RADIL: variants seen among roughly 807,000 people sequenced by gnomAD.
The protein encoded by RADIL is Rap associating with DIL domain.
RADIL carries 99 observed loss-of-function variants against 97.6 expected under a neutral mutation model. The ratio of observed to expected loss-of-function variants is 1.01; its 90% confidence interval spans 0.86 to 1.20. The LOEUF (loss-of-function observed/expected upper bound fraction) is 1.20. RADIL is among the 50% of genes most tolerant of loss of function. The pLI, the probability that RADIL is intolerant of heterozygous loss-of-function variation, is 0.00. For missense variants in RADIL, 1,765 were observed against 1,498.9 expected (o/e 1.18, Z -2.93); for synonymous variants, 803 against 691.8 (o/e 1.16, Z -2.52).
chr7:4,800,855 C>T (rs1782059550), intron 12 of RADIL, among the ~76,000 whole-genome samples: 1 of 152,194 alleles, frequency 6.6e-6, no homozygotes, highest in Non-Finnish European at 1.5e-5. Flanking sequence ...TGGGACCCAG[C>T]TTGGCCAGGT....
chr7:4,834,697 G>T lies in RADIL; in HGVS notation c.1326C>A (p.Leu442=). The part of the protein sequence containing the change: ...HKLTPAFLLC[L]CIQHSATHFQ... The stretch of plus-strand genomic sequence containing the variant: ...AGTGGGTGGCCGAGTGCTGGATGCA[G>T]AGGCACAGGAGGAAGGCGGGGGTCA... The change falls in exon 4 of 15, where the codon CTC becomes CTA. Residue 442 remains leucine (L), a synonymous_variant. Transcript: ENST00000399583. This position sits in a 1 kb window ranked among gnomAD's most constrained non-coding sequence, Gnocchi z 6.0. The T allele has an allele frequency of 7.1e-7, 1 of 1,401,466 alleles. No homozygotes were observed. The allele number at this position is 1,401,466 out of a possible 1,614,324, so 86.8% of individuals were successfully genotyped here.
chr7:4,836,080 G>C (rs564643653), intron 3 of RADIL, among the ~76,000 whole-genome samples: 9 of 152,346 alleles, frequency 5.9e-5, no homozygotes, highest in Non-Finnish European at 5.9e-5. Context: ...GGCGTGAGGA[G>C]TTCTCCCTGA....
At position 4,877,999 on chromosome 7, in the gene RADIL, G is replaced by C; in HGVS notation, c.141C>G (p.Gly47=). Residue 47 remains glycine (G), a synonymous_variant, in exon 2 of 15, where the codon GGC becomes GGG. Coordinates refer to ENST00000399583, the MANE Select transcript of RADIL (RefSeq NM_018059.5). ...AGAGCTCGGCGGGGTCATCGCTGGC[G>C]CCCAGGCTGGAGAAGGTGGAGTCCA... is the stretch of plus-strand genomic sequence containing the variant. The part of the protein sequence containing the change: ...RDLDSTFSSL[G]ASDDPAELST... The C allele has an allele frequency of 6.2e-7, 1 of 1,610,070 alleles. No homozygotes were observed. Among genetic ancestry groups the C allele is most frequent in the South Asian group, 1.1e-5 (1 of 90,804 alleles).
chr7:4,834,942 C>G lies in RADIL; in HGVS notation c.1081G>C (p.Ala361Pro). ...AAGGCCCGGGCGGGCAGGGGCTGGGCCTGCGCGGGGTCCTTGAATAGCAGC... is the reference window on the plus strand; with the variant it reads ...AAGGCCCGGGCGGGCAGGGGCTGGGGCTGCGCGGGGTCCTTGAATAGCAGC... The part of the protein sequence containing the change: ...YLLLFKDPAQ[A>P]QPLPARALAR... Residue 361 changes from alanine to proline, a missense_variant, in exon 4 of 15, where the codon GCC becomes CCC. Coordinates refer to ENST00000399583, the MANE Select transcript of RADIL (RefSeq NM_018059.5). This position sits in a 1 kb window ranked among gnomAD's most constrained non-coding sequence, Gnocchi z 6.0. The G allele has an allele frequency of 6.3e-7, 1 of 1,598,528 alleles. No individual in the cohort carries two copies. Among genetic ancestry groups the G allele is most frequent in the Admixed American group, 1.7e-5 (1 of 58,902 alleles).
Position 4,821,877 on chromosome 7 carries a change from G to A in RADIL, c.1615+517C>T, listed in dbSNP as rs944685558. On this transcript the variant is annotated intron_variant, in intron 6 of 14. Transcript: ENST00000399583. The surrounding 1 kb of genome is among the most constrained non-coding windows in gnomAD (Gnocchi z 5.2). ...TCTCAAAAAAAGAAAAAGAAATCCC[G>A]AAATGTGTATTTCCCACATCTTAAT... 5.9e-5 allele frequency among the ~76,000 whole-genome samples: 9 copies of A among 152,030 alleles called. No homozygotes were observed. The highest frequency in any genetic ancestry group is 1.3e-4 in the Non-Finnish European group (9 of 68,004).
At chr7:4,836,969 G>A (rs118190150) in intron 2 of RADIL, among the ~76,000 whole-genome samples, 2,259 of 152,152 alleles carry the variant, frequency 0.015, 33 homozygotes, top group Middle Eastern at 0.027. Context: ...GTCTAATAGC[G>A]CCCATGTCCC....
chr7:4,838,147 C>G, intron 2 of RADIL: 1 of 808,468 alleles, frequency 1.2e-6, no homozygotes, highest in Non-Finnish European at 1.5e-6. Flanking sequence ...GTGCTCCTGC[C>G]GCCTGCAGAA....
In RADIL at chr7:4,872,278, A is replaced by G. The variant is rs1356948663; in HGVS notation, c.535+5327T>C. 6.6e-6 allele frequency among the ~76,000 whole-genome samples: 1 copy of G among 152,210 alleles called. No individual in the cohort carries two copies. The highest frequency in any genetic ancestry group is 1.5e-5 in the Non-Finnish European group (1 of 68,038). On this transcript the variant is annotated intron_variant, in intron 2 of 14. Coordinates refer to ENST00000399583, the MANE Select transcript of RADIL (RefSeq NM_018059.5). This position sits in a 1 kb window ranked among gnomAD's most constrained non-coding sequence, Gnocchi z 5.8. ...GTTGTTACAACTTGGGGGTGGGGGC[A>G]CAGGAGCCAGGGACACTGCTCATCG...
At chr7:4,828,679 G>A (rs747551727) in intron 5 of RADIL, among the ~76,000 whole-genome samples, 37 of 152,306 alleles carry the variant, frequency 2.4e-4, no homozygotes, top group South Asian at 8.3e-4. Context: ...GTGGGATCAC[G>A]GGGGAGTGAC....
chr7:4,816,104 C>T (rs1434949920), intron 8 of RADIL, 124 bp downstream of exon 8: 14 of 850,834 alleles, frequency 1.6e-5, no homozygotes, highest in East Asian at 1.5e-4. Flanking sequence ...GGACACCAGA[C>T]GCTCAGGGAG....
In RADIL at chr7:4,814,684, C is replaced by A. The variant is rs918004452; in HGVS notation, c.2139+594G>T. Reference sequence around the variant, plus strand: ...CACACAGTGCACTCTCACAGCTCCGCGGCTCCACAGCTCAGCCGGGTCTCA... The same window carrying A: ...CACACAGTGCACTCTCACAGCTCCGAGGCTCCACAGCTCAGCCGGGTCTCA... On this transcript the variant is annotated intron_variant, in intron 9 of 14. Coordinates refer to ENST00000399583, the MANE Select transcript of RADIL (RefSeq NM_018059.5). This position sits in a 1 kb window ranked among gnomAD's most constrained non-coding sequence, Gnocchi z 4.5. Among the ~76,000 whole-genome samples the A allele has an allele frequency of 6.6e-6, 1 of 152,166 alleles. No homozygotes were observed. The highest frequency in any genetic ancestry group is 2.4e-5 in the African/African-American group (1 of 41,444).
At chr7:4,804,098 C>T (rs1375402671) in intron 10 of RADIL, 5 of 355,694 alleles carry the variant, frequency 1.4e-5, no homozygotes, top group Admixed American at 7.4e-5. Flanking sequence ...GGAGCTCCCC[C>T]AGCCCGGCAG....
intron 9 of RADIL, among the ~76,000 whole-genome samples, chr7:4,810,910 C>T (rs988779517): frequency 1.3e-5 from 2 of 152,130 alleles, no homozygotes; most frequent in African/African-American, 2.4e-5. Context: ...CTGAGGTGGG[C>T]GGATCACCTG....
intron 1 of RADIL, among the ~76,000 whole-genome samples, chr7:4,882,562 G>A (rs547324613): frequency 6.6e-6 from 1 of 152,276 alleles, no homozygotes; most frequent in East Asian, 1.9e-4. Context: ...GACATGGGTG[G>A]AGCGACCTCT....
intron 5 of RADIL, among the ~76,000 whole-genome samples, chr7:4,823,570 G>GT (rs1471531372): frequency 1.3e-5 from 2 of 152,142 alleles, no homozygotes; most frequent in African/African-American, 4.8e-5. Context: ...GGGTTGGGGG[G>GT]GCGCCCTTCC....
chr7:4,877,626 C>T lies in RADIL; in HGVS notation c.514G>A (p.Glu172Lys), dbSNP rs2115053626. The T allele has an allele frequency of 2.5e-6, 4 of 1,605,736 alleles. No individual in the cohort carries two copies. Among genetic ancestry groups the T allele is most frequent in the East Asian group, 4.5e-5 (2 of 44,872 alleles). The change falls in exon 2 of 15, where the codon GAG becomes AAG. Residue 172 changes from glutamate (E) to lysine (K), a missense_variant. Coordinates refer to ENST00000399583, the MANE Select transcript of RADIL (RefSeq NM_018059.5). Reference protein sequence around the residue: ...RSDVEELAAKEVDTITAGINA... With the variant: ...RSDVEELAAKKVDTITAGINA... ...TCACCTGCCGTGATGGTGTCCACCT[C>T]CTTGGCTGCCAGCTCCTCCACGTCC...
chr7:4,799,366 C>T lies in RADIL; in HGVS notation c.*12G>A, dbSNP rs1268348305. The T allele has an allele frequency of 6.2e-7, 1 of 1,612,860 alleles. No individual in the cohort carries two copies. The highest frequency in any genetic ancestry group is 1.7e-5 in the Admixed American group (1 of 59,986). ...CGGGTGCCGGGCCTGTGGGGGTGTC[C>T]TCGCAGCCCCCCTAGAGAGGGGGCG... is the stretch of plus-strand genomic sequence containing the variant. On this transcript the variant is annotated 3_prime_UTR_variant, in exon 15 of 15. Coordinates refer to ENST00000399583, the MANE Select transcript of RADIL (RefSeq NM_018059.5).
At position 4,835,195 on chromosome 7, in the gene RADIL, G is replaced by A; in HGVS notation, c.828C>T (p.Gly276=). ...TGGGCTTGCTGGAGGGGGTCCGCTG[G>A]CCCACCGTGTGCCGGTCCCGGTTGA... ...YVLNRDRHTV[G]QRTPSSKPSI... is the part of the protein sequence containing the mutation. The change falls in exon 4 of 15, where the codon GGC becomes GGT. Residue 276 remains glycine, a synonymous_variant. Transcript: ENST00000399583. The surrounding 1 kb of genome is among the most constrained non-coding windows in gnomAD (Gnocchi z 5.8). The A allele has an allele frequency of 6.2e-7, 1 of 1,611,870 alleles. No individual in the cohort carries two copies. Among genetic ancestry groups the A allele is most frequent in the Middle Eastern group, 1.6e-4 (1 of 6,062 alleles).
chr7:4,833,491 AG>A (rs1783205320), intron 4 of RADIL, among the ~76,000 whole-genome samples: 1 of 152,154 alleles, frequency 6.6e-6, no homozygotes, highest in Non-Finnish European at 1.5e-5. Flanking sequence ...CGGGAACCCG[AG>A]GGGAAGAGGC....
Sources: allele counts gnomAD v4.1 joint callset (sites outside exome capture counted in the v4.1 genomes callset), GRCh38; gene constraint gnomAD v4.1.1; non-coding constraint Gnocchi (gnomAD v3.1); transcripts MANE v1.5; gene names NCBI Gene and HGNC (gene_info 2026-07-23, HGNC 2026-07-21).